The following SLC2A1 variants were observed in gnomAD, a reference collection of about 807,000 sequenced individuals.
SLC2A1 encodes the protein solute carrier family 2 member 1, also known as solute carrier family 2, facilitated glucose transporter member 1.
Under a neutral mutation model 46.6 loss-of-function variants are expected in SLC2A1, and 4 were observed. The ratio of observed to expected loss-of-function variants is 0.09; its 90% CI spans 0.04 to 0.20. The LOEUF (loss-of-function observed/expected upper bound fraction) is 0.20. SLC2A1 is among the 10% of genes least tolerant of loss of function. SLC2A1 has a pLI of 1.00. For synonymous variants in SLC2A1, 253 were observed against 270.0 expected (o/e 0.94, Z 0.62); for missense variants, 352 against 667.0 (o/e 0.53, Z 5.20).
At chr1:42,953,365 C>A (rs1264478153) in intron 1 of SLC2A1, among the ~76,000 whole-genome samples, 1 of 152,246 alleles carries the variant, frequency 6.6e-6, no homozygotes, top group African/African-American at 2.4e-5. Flanking sequence ...GAAGACAGAG[C>A]CTCAGGCTCC....
Position 42,930,537 on chromosome 1 carries a change from G to A in SLC2A1, c.516+89C>T. 2 of 1,567,574 alleles carry A rather than the reference G, an allele frequency of 1.3e-6. No individual in the cohort carries two copies. The highest frequency in any genetic ancestry group is 1.2e-5 in the South Asian group (1 of 86,592). On this transcript the variant is annotated intron_variant, in intron 4 of 9. Coordinates refer to ENST00000426263, the MANE Select transcript of SLC2A1 (RefSeq NM_006516.4). The surrounding 1 kb of genome is among the most constrained non-coding windows in gnomAD (Gnocchi z 6.2). ...AAGGCTGTGGGGGCTGGGCGGAAGA[G>A]AAACTCTGCCCTGCTGGGCACAGAT...
chr1:42,927,558 G>A lies in SLC2A1; in HGVS notation c.1278+47C>T. 6.6e-7 allele frequency: 1 copy of A among 1,523,092 alleles called. No homozygotes were observed. The highest frequency in any genetic ancestry group is 1.6e-5 in the African/African-American group (1 of 62,078). 94.3% of individuals were successfully genotyped at this position (1,523,092 alleles called of 1,614,324 possible). ...CTGGGCCAGCACTTTGCACAGCACT[G>A]TGGGGTCATGCGTGCGGGTGAGTAT... On this transcript the variant is annotated intron_variant, in intron 9 of 9. Transcript: ENST00000426263. The surrounding 1 kb of genome is among the most constrained non-coding windows in gnomAD (Gnocchi z 5.3).
Position 42,930,124 on chromosome 1 carries a change from C to A in SLC2A1, c.517-89G>T, listed in dbSNP as rs887434084. 5 of 1,467,990 alleles carry A rather than the reference C, an allele frequency of 3.4e-6. No individual in the cohort carries two copies. Among genetic ancestry groups the A allele is most frequent in the Admixed American group, 1.9e-5 (1 of 53,846 alleles). 90.9% of individuals were successfully genotyped at this position (1,467,990 alleles called of 1,614,324 possible). ...AGTGGCCTTCCCTACTTTGTGTCAG[C>A]TGCTGCTTCAGGGAAGGGCCCCAGT... On this transcript the variant is annotated intron_variant, in intron 4 of 9. Transcript: ENST00000426263. This position sits in a 1 kb window ranked among gnomAD's most constrained non-coding sequence, Gnocchi z 6.2.
At chr1:42,950,962 T>C (rs1643714494) in intron 1 of SLC2A1, among the ~76,000 whole-genome samples, 1 of 151,968 alleles carries the variant, frequency 6.6e-6, no homozygotes, top group Non-Finnish European at 1.5e-5. Flanking sequence ...GCAACAAGAG[T>C]GAAACTCCGT....
rs918375319 is a variant in SLC2A1 at position 42,926,550 on chromosome 1, C to T, written c.*491G>A. On this transcript the variant is annotated 3_prime_UTR_variant, in exon 10 of 10. Transcript: ENST00000426263. Reference sequence around the variant, plus strand: ...GGCAAATCCTAATGGAGCCTGACCCCTAGAGTGGGGAGATCCAGGCCAGCA... The same window carrying T: ...GGCAAATCCTAATGGAGCCTGACCCTTAGAGTGGGGAGATCCAGGCCAGCA... 7.7e-6 allele frequency: 3 copies of T among 388,514 alleles called. No individual in the cohort carries two copies. Among genetic ancestry groups the T allele is most frequent in the South Asian group, 4.7e-5 (2 of 42,548 alleles). The allele number at this position is 388,514 out of a possible 1,614,324, so 24.1% of individuals were successfully genotyped here. A position where few individuals can be genotyped will look rare whatever the true frequency, so the allele number is the denominator to read the frequency against.
intron 1 of SLC2A1, among the ~76,000 whole-genome samples, chr1:42,951,030 C>T (rs115609302): frequency 0.014 from 2,135 of 152,274 alleles, 53 homozygotes; most frequent in African/African-American, 0.049. Flanking sequence ...AGAGGATCTT[C>T]TATGAATAAA....
rs1475004841 is a variant in SLC2A1, at chr1:42,958,618, C to T, written c.18+16G>A. Reference sequence around the variant, plus strand: ...CCTTTGTTCCTGGCGGGAGGGCCCGCGGGCGCGCGACTCACCTTGCTGCTG... The same window carrying T: ...CCTTTGTTCCTGGCGGGAGGGCCCGTGGGCGCGCGACTCACCTTGCTGCTG... On this transcript the variant is annotated intron_variant, in intron 1 of 9. Coordinates refer to ENST00000426263, the MANE Select transcript of SLC2A1 (RefSeq NM_006516.4). The T allele has an allele frequency of 2.0e-6, 3 of 1,523,854 alleles. No homozygotes were observed. The highest frequency in any genetic ancestry group is 1.2e-5 in the South Asian group (1 of 82,546). 94.4% of individuals were successfully genotyped at this position (1,523,854 alleles called of 1,614,324 possible). A position where few individuals can be genotyped will look rare whatever the true frequency, so the allele number is the denominator to read the frequency against.
At chr1:42,957,384 C>A (rs1238642894) in intron 1 of SLC2A1, among the ~76,000 whole-genome samples, 1 of 152,158 alleles carries the variant, frequency 6.6e-6, no homozygotes, top group Non-Finnish European at 1.5e-5. Context: ...CCTTTTCCTG[C>A]CGAGGGTGCG....
rs556648661 is a variant in SLC2A1, at chr1:42,957,002, T to G, written c.18+1632A>C. 3.9e-5 allele frequency among the ~76,000 whole-genome samples: 6 copies of G among 152,346 alleles called. No individual in the cohort carries two copies. The South Asian group carries it at 1.0e-3, about 26-fold the overall frequency. On this transcript the variant is annotated intron_variant, in intron 1 of 9. Coordinates refer to ENST00000426263, the MANE Select transcript of SLC2A1 (RefSeq NM_006516.4). The stretch of plus-strand genomic sequence containing the variant: ...TTTGGCTAAGAACCTGCTGATTTTC[T>G]CCTCCACTTTTCTGTCTCCACGTAG...
At chr1:42,957,385 C>T (rs1258407499) in intron 1 of SLC2A1, among the ~76,000 whole-genome samples, 1 of 152,158 alleles carries the variant, frequency 6.6e-6, no homozygotes, top group Non-Finnish European at 1.5e-5. Flanking sequence ...CTTTTCCTGC[C>T]GAGGGTGCGG....
At chr1:42,934,745 T>C (rs561516617) in intron 2 of SLC2A1, among the ~76,000 whole-genome samples, 1 of 152,154 alleles carries the variant, frequency 6.6e-6, no homozygotes, top group Non-Finnish European at 1.5e-5. Flanking sequence ...CACGTGCCTG[T>C]TCTGAACGCT....
intron 1 of SLC2A1, among the ~76,000 whole-genome samples, chr1:42,958,194 G>C (rs1478016277): frequency 2.0e-5 from 3 of 151,806 alleles, no homozygotes; most frequent in East Asian, 3.9e-4. Context: ...CGCCGGGGCC[G>C]GGGCCGGGCC....
chr1:42,942,989 C>T, intron 2 of SLC2A1: 1 of 588,738 alleles, frequency 1.7e-6, no homozygotes, highest in Non-Finnish European at 3.0e-6. Flanking sequence ...TCAAGAGGGC[C>T]TATACAAGAC....
intron 2 of SLC2A1, among the ~76,000 whole-genome samples, chr1:42,931,591 C>A (rs761039691): frequency 6.6e-6 from 1 of 151,876 alleles, no homozygotes; most frequent in Non-Finnish European, 1.5e-5. Flanking sequence ...TTTGGGAGAT[C>A]AAGGCAAGCA....
At chr1:42,943,152 G>T in intron 2 of SLC2A1, 74 bp downstream of exon 2, 2 of 973,474 alleles carry the variant, frequency 2.1e-6, no homozygotes, top group African/African-American at 1.6e-5. Context: ...AGGTGGTGGC[G>T]TGAGACTGTG....
At position 42,928,959 on chromosome 1, in the gene SLC2A1, T is replaced by C; in HGVS notation, c.1047A>G (p.Ile349Met). Reference protein sequence around the residue: ...IGLAGMAGCAILMTIALALLE... With the variant: ...IGLAGMAGCAMLMTIALALLE... Reference sequence around the variant, plus strand: ...GCAGTGCTAGCGCGATGGTCATGAGTATGGCACAACCCGCCATGCCAGCGA... The same window carrying C: ...GCAGTGCTAGCGCGATGGTCATGAGCATGGCACAACCCGCCATGCCAGCGA... The change falls in exon 8 of 10, where the codon ATA becomes ATG. Residue 349 changes from isoleucine (I) to methionine (M), a missense_variant. By Grantham distance (10) the Ile-to-Met change is conservative (BLOSUM62 1). Coordinates refer to ENST00000426263, the MANE Select transcript of SLC2A1 (RefSeq NM_006516.4). The C allele has an allele frequency of 6.2e-7, 1 of 1,613,922 alleles. No homozygotes were observed. The highest frequency in any genetic ancestry group is 8.5e-7 in the Non-Finnish European group (1 of 1,179,986).
intron 2 of SLC2A1, among the ~76,000 whole-genome samples, chr1:42,939,799 T>G (rs921882112): frequency 1.3e-5 from 2 of 151,870 alleles, no homozygotes; most frequent in African/African-American, 4.8e-5. Flanking sequence ...AACACAAAAA[T>G]TAGCTGGGCG....
At chr1:42,947,139 A>G (rs2124466018) in intron 1 of SLC2A1, among the ~76,000 whole-genome samples, 1 of 152,338 alleles carries the variant, frequency 6.6e-6, no homozygotes, top group Admixed American at 6.5e-5. Context: ...GAACATGGCA[A>G]TGAAGTCCAT....
chr1:42,945,738 C>CGAAAAA (rs1553157043), intron 1 of SLC2A1, among the ~76,000 whole-genome samples: 3 of 115,480 alleles, frequency 2.6e-5, no homozygotes, highest in South Asian at 5.4e-4. Flanking sequence ...GACTCTGTCT[C>CGAAAAA]AAAAAAAAAA....
Sources: allele counts gnomAD v4.1 joint callset (sites outside exome capture counted in the v4.1 genomes callset), GRCh38; gene constraint gnomAD v4.1.1; non-coding constraint Gnocchi (gnomAD v3.1); transcripts MANE v1.5; gene names NCBI Gene and HGNC (gene_info 2026-07-23, HGNC 2026-07-21).